The following PCDHA4 variants were observed in gnomAD, a reference collection of about 807,000 sequenced individuals.
PCDHA4 encodes the protein protocadherin alpha-4.
A neutral mutation model predicts 61.4 loss-of-function variants in PCDHA4; 49 were observed. That is an observed-to-expected ratio of 0.80 (90% CI 0.63 to 1.01). The LOEUF (loss-of-function observed/expected upper bound fraction) is 1.01. Ranked by LOEUF, PCDHA4 falls within the 50% of genes least tolerant of loss-of-function variation. PCDHA4 has a pLI of 0.00. For missense variants in PCDHA4, 1,254 were observed against 1,235.8 expected (o/e 1.01, Z -0.22); for synonymous variants, 590 against 550.3 (o/e 1.07, Z -1.01).
chr5:140,849,989 G>T lies in PCDHA4; in HGVS notation c.2385+40417G>T, dbSNP rs150286933. On this transcript the variant is annotated intron_variant, in intron 1 of 3. Transcript: ENST00000530339. ...TGTCCTACTCGCTGGTGGAGCGGCG[G>T]TTGGGCGAGCGCTCGCTGTCGAGCT... The T allele has an allele frequency of 5.0e-4, 791 of 1,597,330 alleles. 42 individuals carry two copies. The African/African-American group carries it at 9.7e-3, about 20-fold the overall frequency.
intron 1 of PCDHA4, chr5:140,875,854 G>T: frequency 1.2e-6 from 2 of 1,614,160 alleles, no homozygotes; most frequent in East Asian, 4.5e-5. Flanking sequence ...GGACATTAAC[G>T]ACAACCCGCC....
intron 1 of PCDHA4, chr5:140,927,919 C>G (rs782561454): frequency 6.2e-7 from 1 of 1,614,216 alleles, no homozygotes; most frequent in Non-Finnish European, 8.5e-7. Context: ...ACTGGACTTC[C>G]TGACTCTTTC....
intron 1 of PCDHA4, chr5:140,877,662 C>A (rs1176424464): frequency 1.9e-6 from 3 of 1,613,440 alleles, no homozygotes; most frequent in East Asian, 2.2e-5. Context: ...CCACCGTGAG[C>A]CGGTGCGCGC....
intron 1 of PCDHA4, among the ~76,000 whole-genome samples, chr5:140,897,278 A>C (rs993702418): frequency 1.1e-4 from 16 of 151,088 alleles, no homozygotes; most frequent in Non-Finnish European, 1.8e-4. Context: ...GGTGTGCTGC[A>C]CCCATTAACT....
chr5:140,828,565 C>G (rs2150156833), intron 1 of PCDHA4: 14 of 1,614,168 alleles, frequency 8.7e-6, no homozygotes, highest in Non-Finnish European at 1.2e-5. Flanking sequence ...AGGGCGCGTC[C>G]GATGCAGATG....
chr5:140,981,924 C>T (rs2096957761), intron 2 of PCDHA4, among the ~76,000 whole-genome samples: 1 of 151,968 alleles, frequency 6.6e-6, no homozygotes, highest in African/African-American at 2.4e-5. Flanking sequence ...TCAAGTTTCT[C>T]TAGTCTCAGG....
At chr5:140,854,858 T>C (rs2043245736) in intron 1 of PCDHA4, among the ~76,000 whole-genome samples, 1 of 149,904 alleles carries the variant, frequency 6.7e-6, no homozygotes. Flanking sequence ...AATTACTAGA[T>C]ATATTTCAGA....
In PCDHA4 at chr5:140,808,936, G is replaced by T. The variant is rs553655178; in HGVS notation, c.1749G>T (p.Trp583Cys). The T allele has an allele frequency of 2.5e-5, 40 of 1,613,736 alleles. No individual in the cohort carries two copies. In the South Asian group the frequency reaches 3.4e-4, roughly 14 times the overall value. Residue 583 changes from tryptophan to cysteine, a missense_variant, in exon 1 of 4, where the codon TGG becomes TGT. By Grantham distance (215) the Trp-to-Cys change is radical. Transcript: ENST00000530339. The stretch of plus-strand genomic sequence containing the variant: ...GCGCAGTGAGCGAGCTGGTGCCATG[G>T]TCGGTGGGTGTGGGCCACGTGGTGG... ...TGGAVSELVP[W>C]SVGVGHVVAK...
chr5:140,855,491 A>AAG, intron 1 of PCDHA4, among the ~76,000 whole-genome samples: 1 of 149,140 alleles, frequency 6.7e-6, no homozygotes, highest in South Asian at 2.1e-4. Context: ...TTAGTGTCTA[A>AAG]ATAAACCTTA....
At chr5:140,985,459 C>A (rs1587084925) in intron 3 of PCDHA4, among the ~76,000 whole-genome samples, 1 of 152,236 alleles carries the variant, frequency 6.6e-6, no homozygotes, top group East Asian at 1.9e-4. Flanking sequence ...GGGAAATGCT[C>A]CAAAAAATTT....
At chr5:140,862,755 C>A in intron 1 of PCDHA4, 1 of 577,344 alleles carries the variant, frequency 1.7e-6, no homozygotes, top group South Asian at 1.4e-5. Context: ...ACGCGGAGAG[C>A]GGCAAGAGGT....
At chr5:140,870,638 A>G in intron 1 of PCDHA4, 1 of 1,612,842 alleles carries the variant, frequency 6.2e-7, no homozygotes, top group East Asian at 2.2e-5. Flanking sequence ...GTGCACGCGG[A>G]GAGCGGCAAG....
chr5:140,849,867 TC>T, intron 1 of PCDHA4: 1 of 1,598,534 alleles, frequency 6.3e-7, no homozygotes, highest in Non-Finnish European at 8.6e-7. Flanking sequence ...GTTCGCGCAG[TC>T]CGAGTACACG....
chr5:140,947,905 G>C (rs181055131), intron 1 of PCDHA4, among the ~76,000 whole-genome samples: 1 of 151,610 alleles, frequency 6.6e-6, no homozygotes, highest in East Asian at 1.9e-4. Flanking sequence ...GGTGAGAGCA[G>C]ACATTCTTGC....
intron 1 of PCDHA4, chr5:140,850,651 C>T (rs2150492277): frequency 1.9e-6 from 3 of 1,598,626 alleles, no homozygotes; most frequent in Admixed American, 1.7e-5. Flanking sequence ...CTGCTGTACA[C>T]TGTGCTGCGG....
At chr5:140,839,793 G>A (rs1776412354) in intron 1 of PCDHA4, among the ~76,000 whole-genome samples, 1 of 151,918 alleles carries the variant, frequency 6.6e-6, no homozygotes, top group East Asian at 1.9e-4. Context: ...TAGAAATTTG[G>A]AGGAGCTCTT....
In PCDHA4 at chr5:140,966,787, A is replaced by C. The variant is rs781920865; in HGVS notation, c.2386-12162A>C. 5.9e-5 allele frequency: 90 copies of C among 1,526,700 alleles called. No homozygotes were observed. Among genetic ancestry groups the C allele is most frequent in the Non-Finnish European group, 7.7e-5 (88 of 1,139,948 alleles). The allele number at this position is 1,526,700 out of a possible 1,614,324, so 94.6% of individuals were successfully genotyped here. On this transcript the variant is annotated intron_variant, in intron 1 of 3. Coordinates refer to ENST00000530339, the MANE Select transcript of PCDHA4 (RefSeq NM_018907.4). ...TGGCTATGGAGCAGGCGGGCACCAG[A>C]CCTGCGGCGACAGAGCATCCACGGC...
chr5:140,834,958 T>C (rs2150229449), intron 1 of PCDHA4: 5 of 1,531,514 alleles, frequency 3.3e-6, no homozygotes, highest in Non-Finnish European at 4.4e-6. Flanking sequence ...GTAAAACCTC[T>C]TGGACTTGTA....
rs1277596666 is a variant in PCDHA4 at position 140,856,532 on chromosome 5, G to A, written c.2385+46960G>A. ...AGAAGGCGCATCTGATGCGGATGTT[G>A]GAGAGAACGCATTGCTTACTTACAA... On this transcript the variant is annotated intron_variant, in intron 1 of 3. Transcript: ENST00000530339. The A allele has an allele frequency of 1.9e-6, 3 of 1,598,248 alleles. 1 individual carries two copies. The highest frequency in any genetic ancestry group is 2.6e-6 in the Non-Finnish European group (3 of 1,167,844).
Sources: allele counts gnomAD v4.1 joint callset (sites outside exome capture counted in the v4.1 genomes callset), GRCh38; gene constraint gnomAD v4.1.1; transcripts MANE v1.5; gene names NCBI Gene and HGNC (gene_info 2026-07-23, HGNC 2026-07-21).